UTS2: variants seen among roughly 807,000 people sequenced by gnomAD.
UTS2 encodes the protein urotensin 2, also known as urotensin-2.
In UTS2, 10 loss-of-function variants were observed where a neutral mutation model predicts 12.6. That is an observed-to-expected ratio of 0.80 (90% confidence interval 0.49 to 1.35). The LOEUF (loss-of-function observed/expected upper bound fraction) is 1.35. Ranked by LOEUF, UTS2 falls within the 40% of genes most tolerant of loss-of-function variation. UTS2 has a pLI of 0.00. For missense variants in UTS2, 142 were observed against 143.2 expected, an observed-to-expected ratio of 0.99 and a Z score of 0.04; for synonymous variants, 52 against 50.0, an observed-to-expected ratio of 1.04 and a Z score of -0.17.
At chr1:7,912,807 T>C in the UTS2 span, among the ~76,000 whole-genome samples, 1 of 151,980 alleles carries the variant, frequency 6.6e-6, no homozygotes, top group African/African-American at 2.4e-5. Context: ...CCAGGACTTC[T>C]CACTCTGCCC....
chr1:7,910,970 C>G, the UTS2 span, among the ~76,000 whole-genome samples: 1 of 151,978 alleles, frequency 6.6e-6, no homozygotes, highest in Non-Finnish European at 1.5e-5. Flanking sequence ...CCAGGCTAGT[C>G]GTGAATGCCT....
chr1:7,850,062 T>C (rs540181130), intron 2 of UTS2, among the ~76,000 whole-genome samples: 1,785 of 151,156 alleles, frequency 0.012, 21 homozygotes, highest in Middle Eastern at 0.027. Context: ...CTCTGCCTCC[T>C]GGGTTCAAGC....
chr1:7,896,402 A>G, the UTS2 span, among the ~76,000 whole-genome samples: 1 of 152,196 alleles, frequency 6.6e-6, no homozygotes, highest in Non-Finnish European at 1.5e-5. Context: ...CATTCATGTA[A>G]CTGAGCATTA....
chr1:7,894,515 C>G, the UTS2 span, among the ~76,000 whole-genome samples: 2 of 152,080 alleles, frequency 1.3e-5, no homozygotes, highest in African/African-American at 4.8e-5. Context: ...GTGAATGAAA[C>G]AGAACCCTGC....
chr1:7,862,152 AT>A, the UTS2 span, among the ~76,000 whole-genome samples: 3 of 151,542 alleles, frequency 2.0e-5, no homozygotes, highest in African/African-American at 7.3e-5. Flanking sequence ...ACCTCAGGTG[AT>A]TCCCCCCCCG....
chr1:7,890,053 C>T, the UTS2 span, among the ~76,000 whole-genome samples: 20 of 148,738 alleles, frequency 1.3e-4, no homozygotes, highest in Admixed American at 1.0e-3. Flanking sequence ...GACGACAGAG[C>T]GAGACTCCAT....
chr1:7,884,302 A>ATTTTT, the UTS2 span, among the ~76,000 whole-genome samples: 49 of 140,148 alleles, frequency 3.5e-4, no homozygotes, highest in African/African-American at 1.2e-3. Context: ...ATAACATCTG[A>ATTTTT]TTTTTTTTTT....
At chr1:7,858,982 C>G in the UTS2 span, among the ~76,000 whole-genome samples, 2 of 152,172 alleles carry the variant, frequency 1.3e-5, no homozygotes, top group Non-Finnish European at 2.9e-5. Context: ...ATATTTAAAG[C>G]CTATTCACTG....
upstream of UTS2, among the ~76,000 whole-genome samples, chr1:7,857,100 A>AGGAAGG (rs1553334045): frequency 1.6e-5 from 1 of 64,230 alleles, no homozygotes; most frequent in African/African-American, 9.3e-5. Flanking sequence ...GGAAGGAAGA[A>AGGAAGG]AAGGAATGAA....
chr1:7,901,211 G>T, the UTS2 span, among the ~76,000 whole-genome samples: 2 of 152,196 alleles, frequency 1.3e-5, no homozygotes, highest in South Asian at 2.1e-4. Context: ...ATGGAGCTTG[G>T]ATGTGAAGCA....
the UTS2 span, among the ~76,000 whole-genome samples, chr1:7,862,750 C>G: frequency 1.3e-5 from 2 of 152,248 alleles, no homozygotes; most frequent in African/African-American, 4.8e-5. Context: ...ATCTATTCAT[C>G]GGGGTCCACC....
At chr1:7,891,312 G>A in the UTS2 span, among the ~76,000 whole-genome samples, 1 of 151,980 alleles carries the variant, frequency 6.6e-6, no homozygotes, top group Non-Finnish European at 1.5e-5. Flanking sequence ...GATCACCTGA[G>A]GTCAGGAGTT....
chr1:7,874,558 C>T, the UTS2 span, among the ~76,000 whole-genome samples: 1 of 152,140 alleles, frequency 6.6e-6, no homozygotes, highest in Non-Finnish European at 1.5e-5. Context: ...GGGTGGTGCA[C>T]CACACCAGGG....
chr1:7,906,449 GAGAAAGAAAGAAAGAAAGAAAGAA>G, the UTS2 span, among the ~76,000 whole-genome samples: 5 of 73,276 alleles, frequency 6.8e-5, no homozygotes, highest in East Asian at 4.1e-4. Flanking sequence ...GAAAGAAAAA[GAGAAAGAAAGAAAGAAAGAAAGAA>G]AGAAAGAAAG....
At chr1:7,905,782 G>C in the UTS2 span, among the ~76,000 whole-genome samples, 3 of 152,178 alleles carry the variant, frequency 2.0e-5, no homozygotes, top group African/African-American at 7.2e-5. Flanking sequence ...TTTTCTGGTG[G>C]TTTCAAGGTC....
chr1:7,869,062 C>T, the UTS2 span, among the ~76,000 whole-genome samples: 1 of 152,220 alleles, frequency 6.6e-6, no homozygotes, highest in African/African-American at 2.4e-5. Flanking sequence ...GTAATAGCAG[C>T]CCCAACAGAC....
At chr1:7,848,535 T>G (rs938323878) in intron 3 of UTS2, among the ~76,000 whole-genome samples, 1 of 152,126 alleles carries the variant, frequency 6.6e-6, no homozygotes, top group African/African-American at 2.4e-5. Context: ...TATTGTATTC[T>G]TTTGAGATGG....
At chr1:7,900,345 G>A in the UTS2 span, among the ~76,000 whole-genome samples, 5 of 152,008 alleles carry the variant, frequency 3.3e-5, no homozygotes, top group African/African-American at 1.2e-4. Context: ...GCTGCAGTGA[G>A]CCTTGATTGT....
chr1:7,852,334 C>T (rs2097415011), intron 1 of UTS2, among the ~76,000 whole-genome samples: 1 of 152,026 alleles, frequency 6.6e-6, no homozygotes, highest in African/African-American at 2.4e-5. Flanking sequence ...TTCTTTAACT[C>T]AACTTAGACT....
Sources: gnomAD v4.1 joint callset for allele counts (sites outside exome capture counted in the v4.1 genomes callset) on GRCh38, gnomAD v4.1.1 for gene constraint, MANE v1.5 for transcripts, NCBI Gene and HGNC (gene_info 2026-07-23, HGNC 2026-07-21) for gene names.